Variants in AGO2 observed in about 807,000 individuals in gnomAD.
AGO2 encodes the protein argonaute RISC catalytic component 2.
A neutral mutation model predicts 102.3 loss-of-function variants in AGO2; 5 were observed. That is an observed-to-expected ratio of 0.05 (90% CI 0.03 to 0.10). The LOEUF (loss-of-function observed/expected upper bound fraction) is 0.10. Ranked by LOEUF, AGO2 falls within the 10% of genes least tolerant of loss-of-function variation. AGO2 has a pLI of 1.00. For synonymous variants in AGO2, 449 were observed against 473.1 expected (o/e 0.95, Z 0.66); for missense variants, 541 against 1,183.7 (o/e 0.46, Z 7.97).
intron 3 of AGO2, among the ~76,000 whole-genome samples, chr8:140,563,152 G>A (rs963927153): frequency 4.6e-5 from 7 of 152,202 alleles, no homozygotes; most frequent in African/African-American, 1.7e-4. Context: ...GCTTCCCAGT[G>A]TCTGAGGAAC....
rs971214231 is a variant in AGO2 at position 140,540,230 on chromosome 8, T to A, written c.2035-776A>T. 2.6e-5 allele frequency among the ~76,000 whole-genome samples: 4 copies of A among 152,192 alleles called. No individual in the cohort carries two copies. The highest frequency in any genetic ancestry group is 2.6e-4 in the Admixed American group (4 of 15,286). On this transcript the variant is annotated intron_variant, in intron 15 of 18. Coordinates refer to ENST00000220592, the MANE Select transcript of AGO2 (RefSeq NM_012154.5). The surrounding 1 kb of genome is among the most constrained non-coding windows in gnomAD (Gnocchi z 5.0). Reference sequence around the variant, plus strand: ...ATGGGTCTCGGGAACGAGCTCTGCTTCCGCTCTGGACTGGGAAGGCAAATG... The same window carrying A: ...ATGGGTCTCGGGAACGAGCTCTGCTACCGCTCTGGACTGGGAAGGCAAATG...
At chr8:140,631,518 C>T (rs1019099052) in intron 1 of AGO2, among the ~76,000 whole-genome samples, 10 of 144,662 alleles carry the variant, frequency 6.9e-5, no homozygotes, top group Admixed American at 6.4e-4. Flanking sequence ...GCCTGGGTGA[C>T]AGAGCGAGAC....
intron 3 of AGO2, among the ~76,000 whole-genome samples, chr8:140,570,139 G>A (rs781010593): frequency 7.2e-5 from 11 of 152,280 alleles, no homozygotes; most frequent in Non-Finnish European, 1.3e-4. Flanking sequence ...TGGGAGGAGC[G>A]TGGTCTGCAG....
intron 17 of AGO2, among the ~76,000 whole-genome samples, chr8:140,534,567 C>A (rs1462457443): frequency 1.3e-5 from 2 of 152,368 alleles, no homozygotes; most frequent in South Asian, 4.1e-4. Context: ...CAGGCTGGAC[C>A]CGGCCCACAG....
intron 17 of AGO2, 143 bp downstream of exon 17, chr8:140,535,325 T>A: frequency 3.7e-4 from 232 of 632,682 alleles, no homozygotes; most frequent in East Asian, 6.1e-4. Context: ...TGGCACAGCC[T>A]GGGCTCCCCG....
At chr8:140,627,712 G>C (rs78926359) in intron 1 of AGO2, among the ~76,000 whole-genome samples, 1 of 152,324 alleles carries the variant, frequency 6.6e-6, no homozygotes, top group African/African-American at 2.4e-5. Context: ...TGAAGCCCCA[G>C]TAATCACCTT....
intron 1 of AGO2, among the ~76,000 whole-genome samples, chr8:140,606,856 G>A (rs949173402): frequency 2.0e-5 from 3 of 152,004 alleles, no homozygotes; most frequent in Non-Finnish European, 4.4e-5. Context: ...AGAATTGCTT[G>A]AACCTGGGAG....
chr8:140,578,322 A>G (rs73362344), intron 2 of AGO2, among the ~76,000 whole-genome samples: 2,211 of 152,338 alleles, frequency 0.015, 32 homozygotes, highest in Middle Eastern at 0.041. Context: ...AAAATTGACC[A>G]TTTCAACTAA....
chr8:140,595,265 T>C (rs2133038057), intron 1 of AGO2, among the ~76,000 whole-genome samples: 1 of 152,214 alleles, frequency 6.6e-6, no homozygotes. Context: ...TACTTGTAAG[T>C]GGGAAAAAGC....
At chr8:140,642,290 G>T in the AGO2 span, among the ~76,000 whole-genome samples, 109 of 152,252 alleles carry the variant, frequency 7.2e-4, no homozygotes, top group African/African-American at 2.5e-3. Context: ...TAGATGCCCC[G>T]CTTCTCTGAA....
At chr8:140,608,204 G>T (rs1462790980) in intron 1 of AGO2, among the ~76,000 whole-genome samples, 1 of 152,220 alleles carries the variant, frequency 6.6e-6, no homozygotes, top group Non-Finnish European at 1.5e-5. Flanking sequence ...GAGATAACCT[G>T]TCGGAGGTGG....
chr8:140,609,184 C>G (rs1392995028), intron 1 of AGO2, among the ~76,000 whole-genome samples: 3 of 152,246 alleles, frequency 2.0e-5, no homozygotes, highest in African/African-American at 7.2e-5. Flanking sequence ...GAGCCAAGTG[C>G]TGAGCGGCTG....
At chr8:140,591,324 G>A (rs532054937) in intron 1 of AGO2, among the ~76,000 whole-genome samples, 1 of 152,328 alleles carries the variant, frequency 6.6e-6, no homozygotes, top group East Asian at 1.9e-4. Context: ...TCACCCCAAA[G>A]GCAGGGGCTG....
At chr8:140,603,926 C>T (rs1300518144) in intron 1 of AGO2, among the ~76,000 whole-genome samples, 1 of 152,258 alleles carries the variant, frequency 6.6e-6, no homozygotes, top group Non-Finnish European at 1.5e-5. Context: ...GCTGCTTCTG[C>T]TGTGCCCTCT....
intron 1 of AGO2, chr8:140,605,971 T>G (rs2073993143): frequency 1.3e-5 from 2 of 152,220 alleles, no homozygotes; most frequent in South Asian, 4.1e-4. Context: ...CTGCTCAATA[T>G]TCCATGCCTT....
At chr8:140,560,249 A>G (rs1347671399) in intron 5 of AGO2, 125 bp downstream of exon 5, 2 of 1,395,942 alleles carry the variant, frequency 1.4e-6, no homozygotes, top group Admixed American at 2.2e-5. Flanking sequence ...GGTGTCACGC[A>G]GCGGCGCTGG....
chr8:140,618,656 C>T (rs947848966), intron 1 of AGO2, among the ~76,000 whole-genome samples: 58 of 151,956 alleles, frequency 3.8e-4, no homozygotes, highest in African/African-American at 1.4e-3. Context: ...GGTGAAAACC[C>T]GTCTCTACAA....
chr8:140,611,194 G>C (rs527594891), intron 1 of AGO2, among the ~76,000 whole-genome samples: 2 of 152,342 alleles, frequency 1.3e-5, no homozygotes, highest in African/African-American at 2.4e-5. Context: ...GGCGGCGATG[G>C]CAGGCAGTAC....
chr8:140,559,961 C>T (rs1306592403), intron 5 of AGO2, among the ~76,000 whole-genome samples: 1 of 152,196 alleles, frequency 6.6e-6, no homozygotes, highest in African/African-American at 2.4e-5. Context: ...AATGAGAAGA[C>T]AGATCCTTTT....
Sources: gnomAD v4.1 joint callset for allele counts (sites outside exome capture counted in the v4.1 genomes callset) on GRCh38, gnomAD v4.1.1 for gene constraint, Gnocchi (gnomAD v3.1) non-coding constraint, MANE v1.5 for transcripts, NCBI Gene and HGNC (gene_info 2026-07-23, HGNC 2026-07-21) for gene names.